The following LIMD1 variants were observed in gnomAD, a reference collection of about 807,000 sequenced individuals.
LIMD1 encodes LIM domain-containing protein 1.
LIMD1 carries 23 observed loss-of-function variants against 58.4 expected under a neutral mutation model. That is an observed-to-expected ratio of 0.39 (90% CI 0.28 to 0.56). The LOEUF is 0.56. Among genes scored for constraint, LIMD1 ranks in the 20% least tolerant of loss-of-function variants. The pLI is 0.57. For missense variants in LIMD1, 838 were observed against 855.5 expected (o/e 0.98, Z 0.25); for synonymous variants, 334 against 345.5 (o/e 0.97, Z 0.37).
Position 45,636,265 on chromosome 3 carries a change from T to A in LIMD1, c.1510+14T>A. 1.3e-6 allele frequency: 2 copies of A among 1,580,424 alleles called. No individual in the cohort carries two copies. The highest frequency in any genetic ancestry group is 1.7e-6 in the Non-Finnish European group (2 of 1,158,120). ...GTGCAGCTTGCAGTAAGTGTGGGTG[T>A]GGGTGTCGGGTGTGTGGGGGATGCG... is the stretch of plus-strand genomic sequence containing the variant. On this transcript the variant is annotated intron_variant, in intron 2 of 7. Transcript: ENST00000273317.
intron 1 of LIMD1, among the ~76,000 whole-genome samples, chr3:45,608,073 G>A (rs1436810234): frequency 6.6e-6 from 1 of 152,270 alleles, no homozygotes; most frequent in Non-Finnish European, 1.5e-5. Context: ...GCTGGCCATG[G>A]CTAGGTTCCA....
chr3:45,602,338 G>C (rs1400380277), intron 1 of LIMD1, among the ~76,000 whole-genome samples: 1 of 152,176 alleles, frequency 6.6e-6, no homozygotes, highest in Non-Finnish European at 1.5e-5. Flanking sequence ...CACGGCTAAA[G>C]CTAACCAGGA....
intron 3 of LIMD1, among the ~76,000 whole-genome samples, chr3:45,667,919 A>C (rs1697540248): frequency 6.6e-6 from 1 of 152,214 alleles, no homozygotes; most frequent in Non-Finnish European, 1.5e-5. Context: ...TTTCCAAATC[A>C]GTAGGTCTGG....
At chr3:45,649,108 C>T (rs1701936450) in intron 2 of LIMD1, among the ~76,000 whole-genome samples, 1 of 152,044 alleles carries the variant, frequency 6.6e-6, no homozygotes, top group South Asian at 2.1e-4. Context: ...TGTAGGAAAA[C>T]ATTGGCTGAC....
chr3:45,661,692 A>G (rs1697439679), intron 2 of LIMD1, among the ~76,000 whole-genome samples: 1 of 152,238 alleles, frequency 6.6e-6, no homozygotes, highest in Non-Finnish European at 1.5e-5. Flanking sequence ...CTGTGTCATT[A>G]CTAACACTGG....
intron 1 of LIMD1, among the ~76,000 whole-genome samples, chr3:45,615,847 T>G (rs1326217930): frequency 2.0e-5 from 3 of 151,790 alleles, no homozygotes; most frequent in African/African-American, 7.3e-5. Context: ...CCGCACTGTA[T>G]GTCCATAGGG....
Position 45,612,535 on chromosome 3 carries a change from T to G in LIMD1, c.1408+16248T>G, listed in dbSNP as rs1292429554. On this transcript the variant is annotated intron_variant, in intron 1 of 7. Transcript: ENST00000273317. ...CTTGATAGGAGGAGTGTCTAGGAAT[T>G]GTTTTCAAAATGCTGTATTTGCATA... is the stretch of plus-strand genomic sequence containing the variant. 3.3e-5 allele frequency among the ~76,000 whole-genome samples: 5 copies of G among 152,216 alleles called. No individual in the cohort carries two copies. The East Asian group carries it at 7.7e-4, about 23-fold the overall frequency.
chr3:45,640,136 G>T (rs572916745), intron 2 of LIMD1, among the ~76,000 whole-genome samples: 1 of 152,358 alleles, frequency 6.6e-6, no homozygotes, highest in South Asian at 2.1e-4. Context: ...GACAGACCTG[G>T]TTTGGGTTTT....
At chr3:45,607,005 G>A (rs1192850570) in intron 1 of LIMD1, among the ~76,000 whole-genome samples, 5 of 152,132 alleles carry the variant, frequency 3.3e-5, no homozygotes. Flanking sequence ...TGCTGGCCAG[G>A]CAGGTCTCGA....
In LIMD1 at chr3:45,682,075, C is replaced by G. The variant is rs1454692480; in HGVS notation, c.*5016C>G. On this transcript the variant is annotated 3_prime_UTR_variant, in exon 8 of 8. Transcript: ENST00000273317. ...AGTTTGTTCTAGACTCCAGTGTAGT[C>G]CTTGTGGCTACCAGGTCTGACGTGC... is the stretch of plus-strand genomic sequence containing the variant. 6.6e-6 allele frequency: 1 copy of G among 152,192 alleles called. No individual in the cohort carries two copies. The highest frequency in any genetic ancestry group is 1.5e-5 in the Non-Finnish European group (1 of 68,074). The allele number at this position is 152,192 out of a possible 1,614,324, so 9.4% of individuals were successfully genotyped here.
In LIMD1 at chr3:45,614,114, C is replaced by T. The variant is rs537937353; in HGVS notation, c.1408+17827C>T. Among the ~76,000 whole-genome samples the T allele has an allele frequency of 2.0e-5, 3 of 152,228 alleles. No homozygotes were observed. In the South Asian group the frequency reaches 6.2e-4, roughly 32 times the overall value. Reference sequence around the variant, plus strand: ...ATTATCTTCACAAGATATTTTATTCCTTTCTTGATAGTGATGGGCTGTGAG... The same window carrying T: ...ATTATCTTCACAAGATATTTTATTCTTTTCTTGATAGTGATGGGCTGTGAG... On this transcript the variant is annotated intron_variant, in intron 1 of 7. Transcript: ENST00000273317.
At chr3:45,654,317 G>A (rs572197534) in intron 2 of LIMD1, among the ~76,000 whole-genome samples, 37 of 152,264 alleles carry the variant, frequency 2.4e-4, no homozygotes, top group Non-Finnish European at 3.7e-4. Context: ...GAGTCTTACC[G>A]CCAAGGACCA....
At chr3:45,618,818 A>G (rs1701601776) in intron 1 of LIMD1, among the ~76,000 whole-genome samples, 1 of 152,046 alleles carries the variant, frequency 6.6e-6, no homozygotes, top group South Asian at 2.1e-4. Context: ...TGCAGGAGGG[A>G]GGCTGTGGAC....
At chr3:45,604,907 C>G (rs1484316933) in intron 1 of LIMD1, among the ~76,000 whole-genome samples, 1 of 152,232 alleles carries the variant, frequency 6.6e-6, no homozygotes, top group Non-Finnish European at 1.5e-5. Flanking sequence ...CCCTCCTGCT[C>G]TTTCCATTAA....
intron 2 of LIMD1, among the ~76,000 whole-genome samples, chr3:45,646,369 G>T (rs1169967016): frequency 2.0e-5 from 3 of 152,212 alleles, no homozygotes; most frequent in African/African-American, 4.8e-5. Context: ...GTGTGTGCAG[G>T]GGGAGCATCC....
intron 1 of LIMD1, among the ~76,000 whole-genome samples, chr3:45,599,930 G>T (rs1701395115): frequency 6.7e-6 from 1 of 149,732 alleles, no homozygotes; most frequent in Admixed American, 6.6e-5. Context: ...AAGTCTTTCG[G>T]TCTGAAGATT....
intron 2 of LIMD1, among the ~76,000 whole-genome samples, chr3:45,649,365 T>A (rs1332066278): frequency 6.6e-6 from 1 of 152,074 alleles, no homozygotes; most frequent in Admixed American, 6.5e-5. Context: ...GAATTTATCT[T>A]TCTTTCATTT....
At chr3:45,633,954 C>T (rs1051510306) in intron 1 of LIMD1, among the ~76,000 whole-genome samples, 2 of 152,054 alleles carry the variant, frequency 1.3e-5, no homozygotes, top group African/African-American at 4.8e-5. Context: ...CAGATTGGAG[C>T]CAGAGTTAGA....
At chr3:45,674,078 T>G (rs536369571) in intron 6 of LIMD1, among the ~76,000 whole-genome samples, 1 of 152,306 alleles carries the variant, frequency 6.6e-6, no homozygotes, top group African/African-American at 2.4e-5. Flanking sequence ...TTTTCTTCAT[T>G]TTTTAAAATA....
Sources: allele counts gnomAD v4.1 joint callset (sites outside exome capture counted in the v4.1 genomes callset), GRCh38; gene constraint gnomAD v4.1.1; transcripts MANE v1.5; gene names NCBI Gene and HGNC (gene_info 2026-07-23, HGNC 2026-07-21).